The following RBBP8 variants were observed in gnomAD, a reference collection of about 807,000 sequenced individuals.
The protein encoded by RBBP8 is RB binding protein 8, endonuclease.
In RBBP8, 88 loss-of-function variants were observed where a neutral mutation model predicts 108.3. That is an observed-to-expected ratio of 0.81 (90% confidence interval 0.68 to 0.97). The LOEUF is 0.97. Ranked by LOEUF, RBBP8 falls within the 50% of genes least tolerant of loss-of-function variation. The probability of loss-of-function intolerance (pLI) is 0.00; values close to 1 mark genes in which losing one functional copy is unlikely to be tolerated. For missense variants in RBBP8, 1,023 were observed against 1,049.0 expected (o/e 0.98, Z 0.34); for synonymous variants, 332 against 348.2 (o/e 0.95, Z 0.52).
At position 22,981,928 on chromosome 18, in the gene RBBP8, A is replaced by G. The variant is rs565940330; in HGVS notation, c.429-290A>G. Among the ~76,000 whole-genome samples, 9 of 152,338 alleles carry G rather than the reference A, an allele frequency of 5.9e-5. No individual in the cohort carries two copies. In the East Asian group the frequency reaches 1.2e-3, roughly 20 times the overall value. On this transcript the variant is annotated intron_variant, in intron 6 of 18. Coordinates refer to ENST00000327155, the MANE Select transcript of RBBP8 (RefSeq NM_002894.3). ...CTCCAACATAAGTACACAGTACTGC[A>G]TGCCTTTCCTCAGACTGTGGGTTCT...
At chr18:22,974,359 A>G (rs1914344696) in intron 5 of RBBP8, among the ~76,000 whole-genome samples, 2 of 152,224 alleles carry the variant, frequency 1.3e-5, no homozygotes, top group Admixed American at 1.3e-4. Context: ...GTTACTGATA[A>G]CCATAATTAT....
At chr18:22,989,385 G>T in intron 9 of RBBP8, 67 bp downstream of exon 9, 1 of 1,168,282 alleles carries the variant, frequency 8.6e-7, no homozygotes, top group Admixed American at 1.7e-5. Flanking sequence ...AGTTCTTAGA[G>T]AATTAAGCAA....
chr18:23,003,082 A>G (rs1414916671), intron 15 of RBBP8, among the ~76,000 whole-genome samples: 1 of 152,038 alleles, frequency 6.6e-6, no homozygotes, highest in Admixed American at 6.6e-5. Flanking sequence ...CGTTCTTTTC[A>G]TTTGTCACAG....
intron 1 of RBBP8, among the ~76,000 whole-genome samples, chr18:22,936,208 TCTC>T (rs1910567452): frequency 2.6e-5 from 4 of 152,018 alleles, no homozygotes; most frequent in Non-Finnish European, 5.9e-5. Context: ...TTCAGGCAAT[TCTC>T]CTGCCTCAAC....
chr18:22,976,371 T>G (rs1464222966), intron 6 of RBBP8, among the ~76,000 whole-genome samples: 1 of 152,108 alleles, frequency 6.6e-6, no homozygotes, highest in East Asian at 1.9e-4. Context: ...TGCTGTATAA[T>G]GAAGAGAGAA....
intron 7 of RBBP8, among the ~76,000 whole-genome samples, chr18:22,984,074 C>T (rs1216718617): frequency 6.6e-6 from 1 of 151,940 alleles, no homozygotes; most frequent in African/African-American, 2.4e-5. Flanking sequence ...GAGCAAGACT[C>T]CATCTCAAAA....
At chr18:22,919,617 T>C (rs1488950468) in intron 3 of RBBP8, among the ~76,000 whole-genome samples, 1 of 152,162 alleles carries the variant, frequency 6.6e-6, no homozygotes, top group Admixed American at 6.5e-5. Context: ...AGTGGCATGA[T>C]CTTGGCTTAC....
chr18:22,993,685 G>A, intron 11 of RBBP8, 36 bp from the exon 12 acceptor site: 1 of 1,614,156 alleles, frequency 6.2e-7, no homozygotes, highest in Non-Finnish European at 8.5e-7. Flanking sequence ...GATTGCTTGT[G>A]ATTTCATTTA....
intron 6 of RBBP8, 41 bp from the exon 7 acceptor site, chr18:22,982,177 C>T: frequency 6.3e-7 from 1 of 1,577,324 alleles, no homozygotes; most frequent in Non-Finnish European, 8.7e-7. Flanking sequence ...TGTTTTAATA[C>T]TCATTGAATT....
intron 13 of RBBP8, among the ~76,000 whole-genome samples, chr18:22,997,321 G>C (rs1346996996): frequency 1.3e-5 from 2 of 152,030 alleles, no homozygotes; most frequent in African/African-American, 4.8e-5. Flanking sequence ...ATTACTATAA[G>C]GCAAATTGGA....
chr18:23,014,670 T>A (rs2046227427), intron 16 of RBBP8, among the ~76,000 whole-genome samples: 1 of 152,006 alleles, frequency 6.6e-6, no homozygotes, highest in African/African-American at 2.4e-5. Flanking sequence ...TAAAATAAAA[T>A]GTTGTGCTTC....
At chr18:22,947,502 AC>A (rs1356205228) in intron 3 of RBBP8, among the ~76,000 whole-genome samples, 2 of 152,070 alleles carry the variant, frequency 1.3e-5, no homozygotes, top group African/African-American at 4.8e-5. Flanking sequence ...TACAAGATTT[AC>A]CCAGCTTCTT....
chr18:22,925,069 A>C (rs896170097), intron 3 of RBBP8, among the ~76,000 whole-genome samples: 1 of 152,072 alleles, frequency 6.6e-6, no homozygotes, highest in Non-Finnish European at 1.5e-5. Flanking sequence ...TTTCTTGTAG[A>C]GACAGGGTCT....
chr18:23,015,611 G>A (rs113782169), intron 16 of RBBP8, among the ~76,000 whole-genome samples: 347 of 150,878 alleles, frequency 2.3e-3, no homozygotes, highest in African/African-American at 7.7e-3. Context: ...TTAGTTCTTT[G>A]ACTCATTTTG....
intron 14 of RBBP8, among the ~76,000 whole-genome samples, chr18:23,000,735 C>T (rs1433530863): frequency 2.7e-5 from 4 of 146,016 alleles, no homozygotes; most frequent in African/African-American, 7.7e-5. Context: ...AGCAAGACTC[C>T]GTCTCAAAAA....
rs201869723 is a variant in RBBP8 at position 22,985,030 on chromosome 18, G to A, written c.709+40G>A. ...GAGATTACTTTACAAGTTTAAAATT[G>A]TGGTTATTGGTGGGTAACAGTGACC... On this transcript the variant is annotated intron_variant, in intron 8 of 18. Coordinates refer to ENST00000327155, the MANE Select transcript of RBBP8 (RefSeq NM_002894.3). The A allele has an allele frequency of 1.1e-5, 18 of 1,607,094 alleles. No individual in the cohort carries two copies. In the Admixed American group the frequency reaches 2.7e-4, roughly 24 times the overall value.
chr18:23,011,086 C>T (rs542475683), intron 16 of RBBP8, among the ~76,000 whole-genome samples: 24 of 152,264 alleles, frequency 1.6e-4, no homozygotes, highest in African/African-American at 5.3e-4. Context: ...CACACCAGAG[C>T]TGAGGGTTCT....
chr18:22,928,960 G>A (rs548039574), upstream of RBBP8, among the ~76,000 whole-genome samples: 2 of 152,230 alleles, frequency 1.3e-5, no homozygotes, highest in South Asian at 2.1e-4. Context: ...GTAAGCTACC[G>A]CACCAGTCTG....
At chr18:22,923,634 T>C (rs1378026966) in intron 3 of RBBP8, among the ~76,000 whole-genome samples, 1 of 152,210 alleles carries the variant, frequency 6.6e-6, no homozygotes. Context: ...TAATCTCTCA[T>C]CCTATCTCCC....
Sources: allele counts gnomAD v4.1 joint callset (sites outside exome capture counted in the v4.1 genomes callset), GRCh38; gene constraint gnomAD v4.1.1; transcripts MANE v1.5; gene names NCBI Gene and HGNC (gene_info 2026-07-23, HGNC 2026-07-21).